The following NR3C1 variants were observed in gnomAD, a reference collection of about 807,000 sequenced individuals.
The protein encoded by NR3C1 is nuclear receptor subfamily 3 group C member 1.
In NR3C1, 14 loss-of-function variants were observed where a neutral mutation model predicts 74.0. The observed-to-expected ratio is 0.19, with a 90% confidence interval of 0.12 to 0.30. The LOEUF is 0.30. Among genes scored for constraint, NR3C1 ranks in the 10% least tolerant of loss-of-function variants. NR3C1 has a pLI of 1.00. For missense variants in NR3C1, 695 were observed against 909.8 expected (o/e 0.76, Z 3.04); for synonymous variants, 308 against 332.5 (o/e 0.93, Z 0.80).
intron 1 of NR3C1, among the ~76,000 whole-genome samples, chr5:143,416,399 C>T (rs1053929594): frequency 4.0e-5 from 6 of 151,658 alleles, no homozygotes; most frequent in South Asian, 2.1e-4. Flanking sequence ...TAAGCTGATA[C>T]GATGCAAGCT....
intron 7 of NR3C1, among the ~76,000 whole-genome samples, chr5:143,286,960 A>G (rs113477305): frequency 2.4e-3 from 359 of 152,242 alleles, no homozygotes; most frequent in Non-Finnish European, 4.3e-3. Flanking sequence ...AGGAAGAGAT[A>G]TGGAAAATCC....
intron 4 of NR3C1, 151 bp downstream of exon 4, chr5:143,309,946 T>C: frequency 1.5e-6 from 1 of 648,538 alleles, no homozygotes; most frequent in East Asian, 2.9e-5. Context: ...AAATTTCCCA[T>C]TTTTATTGGG....
chr5:143,386,477 G>C (rs1290595833), intron 2 of NR3C1, among the ~76,000 whole-genome samples: 1 of 152,176 alleles, frequency 6.6e-6, no homozygotes, highest in African/African-American at 2.4e-5. Context: ...TACTTGTTAG[G>C]TGAGAAAAGC....
At chr5:143,338,423 A>G (rs1827572631) in intron 2 of NR3C1, among the ~76,000 whole-genome samples, 1 of 152,002 alleles carries the variant, frequency 6.6e-6, no homozygotes, top group Non-Finnish European at 1.5e-5. Context: ...CTGTTATCAC[A>G]GAAAACGACA....
chr5:143,422,273 A>G (rs35500391), intron 1 of NR3C1, among the ~76,000 whole-genome samples: 27,688 of 152,210 alleles, frequency 0.18, 2,731 homozygotes, highest in Middle Eastern at 0.35. Flanking sequence ...CCCAACGATC[A>G]TCCCAAGTAT....
At chr5:143,388,922 G>C (rs1395667618) in intron 2 of NR3C1, among the ~76,000 whole-genome samples, 2 of 152,176 alleles carry the variant, frequency 1.3e-5, no homozygotes, top group African/African-American at 2.4e-5. Flanking sequence ...TCATCCATTA[G>C]TTGCTGAAGT....
At chr5:143,435,129 A>C in exon 1 of NR3C1, 1 of 985,456 alleles carries the variant, frequency 1.0e-6, no homozygotes, top group Non-Finnish European at 1.2e-6. Context: ...TTTGAAAACT[A>C]AATGAATGCG....
intron 7 of NR3C1, chr5:143,293,830 C>G (rs1440751076): frequency 2.6e-5 from 24 of 919,526 alleles, no homozygotes; most frequent in Non-Finnish European, 3.1e-5. Context: ...TCATATAGCT[C>G]AATTAGTCTG....
chr5:143,350,693 GA>G (rs1426811777), intron 2 of NR3C1, among the ~76,000 whole-genome samples: 1 of 152,186 alleles, frequency 6.6e-6, no homozygotes. Flanking sequence ...TGAAGCAACA[GA>G]AAAGGATGGG....
At chr5:143,416,326 C>A (rs1268334886) in intron 1 of NR3C1, among the ~76,000 whole-genome samples, 1 of 152,080 alleles carries the variant, frequency 6.6e-6, no homozygotes, top group Non-Finnish European at 1.5e-5. Flanking sequence ...GGGACAGATA[C>A]ACCTTAATTC....
intron 2 of NR3C1, among the ~76,000 whole-genome samples, chr5:143,367,807 G>C (rs1468128256): frequency 6.6e-6 from 1 of 152,142 alleles, no homozygotes. Context: ...TTGTTATGAT[G>C]GCAATATTCC....
At chr5:143,306,846 G>A (rs1295216325) in intron 4 of NR3C1, among the ~76,000 whole-genome samples, 3 of 142,728 alleles carry the variant, frequency 2.1e-5, no homozygotes, top group Admixed American at 2.1e-4. Flanking sequence ...AATATTTTGA[G>A]AAACTGCAGC....
intron 2 of NR3C1, among the ~76,000 whole-genome samples, chr5:143,339,385 T>A (rs1272671756): frequency 6.6e-6 from 1 of 152,226 alleles, no homozygotes; most frequent in Non-Finnish European, 1.5e-5. Context: ...AATTCTCTTA[T>A]CTTCTCCCCT....
chr5:143,399,087 C>T (rs1283467113), intron 2 of NR3C1, among the ~76,000 whole-genome samples: 3 of 152,208 alleles, frequency 2.0e-5, no homozygotes, highest in East Asian at 3.8e-4. Context: ...TGGTCTGGTA[C>T]ACTGTTCACT....
At chr5:143,321,667 C>A (rs1370997229) in intron 2 of NR3C1, among the ~76,000 whole-genome samples, 1 of 152,168 alleles carries the variant, frequency 6.6e-6, no homozygotes, top group Admixed American at 6.5e-5. Flanking sequence ...TTATCACTCC[C>A]CTACATAATC....
chr5:143,325,338 T>A (rs915975483), intron 2 of NR3C1, among the ~76,000 whole-genome samples: 4 of 152,324 alleles, frequency 2.6e-5, no homozygotes, highest in Middle Eastern at 3.4e-3. Flanking sequence ...CATCAGATCA[T>A]GTGAGACTTA....
intron 1 of NR3C1, among the ~76,000 whole-genome samples, chr5:143,416,293 A>G (rs1252304527): frequency 1.3e-5 from 2 of 152,146 alleles, no homozygotes; most frequent in Admixed American, 6.5e-5. Context: ...AGGTCTGGTA[A>G]TATCAGAGAT....
At chr5:143,371,947 A>T (rs1272971110) in intron 2 of NR3C1, among the ~76,000 whole-genome samples, 1 of 152,202 alleles carries the variant, frequency 6.6e-6, no homozygotes, top group Non-Finnish European at 1.5e-5. Flanking sequence ...TAACACTAAA[A>T]GAGTAGTCTC....
At position 143,281,775 on chromosome 5, in the gene NR3C1, A is replaced by G. The variant is rs994418037; in HGVS notation, c.*114T>C. 3.0e-5 allele frequency: 36 copies of G among 1,186,938 alleles called. No homozygotes were observed. The highest frequency in any genetic ancestry group is 4.0e-5 in the Non-Finnish European group (33 of 822,372). The allele number at this position is 1,186,938 out of a possible 1,614,324, so 73.5% of individuals were successfully genotyped here. A position where few individuals can be genotyped will look rare whatever the true frequency, so the allele number is the denominator to read the frequency against. On this transcript the variant is annotated 3_prime_UTR_variant, in exon 9 of 9. Coordinates refer to ENST00000394464, the MANE Select transcript of NR3C1 (RefSeq NM_000176.3). ...TAGTGCGTATTTAAAACAAAACAAC[A>G]GATGAAAACAATAAAAAATAAAACA...
Sources: allele counts gnomAD v4.1 joint callset (sites outside exome capture counted in the v4.1 genomes callset), GRCh38; gene constraint gnomAD v4.1.1; transcripts MANE v1.5; gene names NCBI Gene and HGNC (gene_info 2026-07-23, HGNC 2026-07-21).